The following CACNA1C variants were observed in gnomAD, a reference collection of about 807,000 sequenced individuals.
The protein encoded by CACNA1C is voltage-dependent L-type calcium channel subunit alpha-1C.
Under a neutral mutation model 229.0 loss-of-function variants are expected in CACNA1C, and 30 were observed. The observed-to-expected ratio is 0.13, with a 90% CI of 0.10 to 0.18. The LOEUF (loss-of-function observed/expected upper bound fraction) is 0.18. CACNA1C is among the 10% of genes least tolerant of loss of function. The pLI is 1.00. For missense variants in CACNA1C, 1,658 were observed against 2,845.0 expected (o/e 0.58, Z 9.49); for synonymous variants, 1,114 against 1,132.5 (o/e 0.98, Z 0.33).
At chr12:2,163,547 A>G (rs1307594192) in intron 3 of CACNA1C, among the ~76,000 whole-genome samples, 1 of 152,112 alleles carries the variant, frequency 6.6e-6, no homozygotes, top group Non-Finnish European at 1.5e-5. Context: ...TCCTGGGTAC[A>G]CTTTTCTGTT....
Position 2,287,532 on chromosome 12 carries a change from T to C in CACNA1C, c.478-161444T>C, listed in dbSNP as rs2092881875. ...TGGCTGATGAGAAGCTCCCTCCAAT[T>C]CTGTGATTCTGGGTAAAGCAGACCA... On this transcript the variant is annotated intron_variant, in intron 3 of 46. Transcript: ENST00000399655. This position sits in a 1 kb window ranked among gnomAD's most constrained non-coding sequence, Gnocchi z 4.6. 6.6e-6 allele frequency among the ~76,000 whole-genome samples: 1 copy of C among 152,166 alleles called. No individual in the cohort carries two copies. The highest frequency in any genetic ancestry group is 1.5e-5 in the Non-Finnish European group (1 of 68,022).
intron 1 of CACNA1C, among the ~76,000 whole-genome samples, chr12:1,980,233 GAATA>G (rs2035717302): frequency 1.3e-5 from 2 of 152,166 alleles, no homozygotes; most frequent in Non-Finnish European, 1.5e-5. Flanking sequence ...ATCGATAGGA[GAATA>G]AATAGACTGC....
In CACNA1C at chr12:2,576,000, C is replaced by G. The variant is rs755656340; in HGVS notation, c.1896-5590C>G. 2.0e-5 allele frequency among the ~76,000 whole-genome samples: 3 copies of G among 152,030 alleles called. No homozygotes were observed. The highest frequency in any genetic ancestry group is 6.6e-5 in the Admixed American group (1 of 15,266). ...AAATGGAGATAAAAGGATTTCTGAA[C>G]AGATGGTGGTAACTTAAATCAGGAG... On this transcript the variant is annotated intron_variant, in intron 13 of 46. Coordinates refer to ENST00000399655, the MANE Select transcript of CACNA1C (RefSeq NM_000719.7). The surrounding 1 kb of genome is among the most constrained non-coding windows in gnomAD (Gnocchi z 4.0).
At chr12:2,553,605 T>C (rs2042500922) in intron 10 of CACNA1C, among the ~76,000 whole-genome samples, 1 of 152,190 alleles carries the variant, frequency 6.6e-6, no homozygotes, top group African/African-American at 2.4e-5. Flanking sequence ...TTTGGCAGAC[T>C]CTGAAGCCTG....
chr12:2,554,983 G>A (rs1271419523), intron 10 of CACNA1C, among the ~76,000 whole-genome samples: 2 of 152,222 alleles, frequency 1.3e-5, no homozygotes, highest in African/African-American at 4.8e-5. Flanking sequence ...CCGGAGGATA[G>A]CAACAATAGC....
intron 5 of CACNA1C, among the ~76,000 whole-genome samples, chr12:2,480,097 T>A (rs2099668059): frequency 6.6e-6 from 1 of 152,212 alleles, no homozygotes; most frequent in Admixed American, 6.5e-5. Flanking sequence ...AAAGTAAAAG[T>A]GATATCTGCT....
intron 1 of CACNA1C, among the ~76,000 whole-genome samples, chr12:2,114,361 CAG>C (rs2082980438): frequency 6.6e-6 from 1 of 152,260 alleles, no homozygotes; most frequent in East Asian, 1.9e-4. Context: ...CAGAGACAGT[CAG>C]GGGGATGCAA....
intron 8 of CACNA1C, among the ~76,000 whole-genome samples, chr12:2,506,592 A>G (rs912451125): frequency 6.6e-6 from 1 of 152,212 alleles, no homozygotes; most frequent in East Asian, 1.9e-4. Flanking sequence ...TGTTATAACT[A>G]GAAGTATAGA....
chr12:2,494,329 C>T (rs554556006), intron 7 of CACNA1C, among the ~76,000 whole-genome samples: 1 of 152,310 alleles, frequency 6.6e-6, no homozygotes, highest in East Asian at 1.9e-4. Context: ...TGAGCTGTCT[C>T]GATTCTGGCA....
At chr12:2,494,179 C>A (rs1440179307) in intron 7 of CACNA1C, among the ~76,000 whole-genome samples, 2 of 152,180 alleles carry the variant, frequency 1.3e-5, no homozygotes, top group East Asian at 3.9e-4. Context: ...GAGAGCCACC[C>A]AATCAATAGC....
chr12:2,328,082 G>A (rs994097311), intron 3 of CACNA1C, among the ~76,000 whole-genome samples: 3 of 152,246 alleles, frequency 2.0e-5, no homozygotes, highest in African/African-American at 7.2e-5. Flanking sequence ...AGCCAAAAGA[G>A]TAGTTTCATT....
At chr12:2,360,172 C>CT (rs1189445399) in intron 3 of CACNA1C, among the ~76,000 whole-genome samples, 1 of 111,978 alleles carries the variant, frequency 8.9e-6, no homozygotes, top group Non-Finnish European at 1.8e-5. Context: ...CCCCACCCCC[C>CT]CACCCCACAC....
rs2090707089 is a variant in CACNA1C, at chr12:2,632,126, G to A, written c.3829-2171G>A. 6.6e-6 allele frequency among the ~76,000 whole-genome samples: 1 copy of A among 152,106 alleles called. No individual in the cohort carries two copies. The highest frequency in any genetic ancestry group is 2.4e-5 in the African/African-American group (1 of 41,418). On this transcript the variant is annotated intron_variant, in intron 29 of 46. Coordinates refer to ENST00000399655, the MANE Select transcript of CACNA1C (RefSeq NM_000719.7). This position sits in a 1 kb window ranked among gnomAD's most constrained non-coding sequence, Gnocchi z 4.1. ...CACCTCCTGGAAGCCCAGAGGGCAG[G>A]CAAATACTGGTCCCACTGAAAAAAT...
At chr12:2,159,697 C>G (rs573217548) in intron 3 of CACNA1C, among the ~76,000 whole-genome samples, 1 of 151,444 alleles carries the variant, frequency 6.6e-6, no homozygotes, top group African/African-American at 2.4e-5. Context: ...CTTCACCTCC[C>G]GGGTTCAAGC....
chr12:2,031,338 A>T (rs1398543942), intron 1 of CACNA1C, among the ~76,000 whole-genome samples: 2 of 151,736 alleles, frequency 1.3e-5, no homozygotes. Flanking sequence ...TCTTCTCCAA[A>T]CCCTCTGGTG....
chr12:2,372,912 C>T (rs1264348217), intron 3 of CACNA1C, among the ~76,000 whole-genome samples: 4 of 152,212 alleles, frequency 2.6e-5, no homozygotes, highest in African/African-American at 7.2e-5. Flanking sequence ...CAGATGGATG[C>T]GGGGGCAGCC....
At position 2,347,779 on chromosome 12, in the gene CACNA1C, C is replaced by G. The variant is rs73605784; in HGVS notation, c.478-101197C>G. On this transcript the variant is annotated intron_variant, in intron 3 of 46. Transcript: ENST00000399655. ...GCCTGAGCTTGGACACTAAACCAGA[C>G]CTGCCCAGTGATGTCCCTGGCCAGC... 5.7e-3 allele frequency among the ~76,000 whole-genome samples: 864 copies of G among 152,356 alleles called. 6 individuals are homozygous for G. Among genetic ancestry groups the G allele is most frequent in the African/African-American group, 0.02 (817 of 41,586 alleles).
At position 2,356,861 on chromosome 12, in the gene CACNA1C, G is replaced by T. The variant is rs187327225; in HGVS notation, c.478-92115G>T. ...CCATTCCACAGATGAGGCCGCTGGG[G>T]CACAGAGAGATTGTGTTGCTTGCCC... On this transcript the variant is annotated intron_variant, in intron 3 of 46. Transcript: ENST00000399655. Among the ~76,000 whole-genome samples the T allele has an allele frequency of 2.6e-5, 4 of 152,314 alleles. No homozygotes were observed. In the East Asian group the frequency reaches 7.7e-4, roughly 29 times the overall value.
intron 29 of CACNA1C, chr12:2,612,265 G>A: frequency 2.2e-6 from 1 of 459,120 alleles, no homozygotes. Context: ...TCCTCGCTGA[G>A]CTGAACCTCT....
Sources: gnomAD v4.1 joint callset for allele counts (sites outside exome capture counted in the v4.1 genomes callset) on GRCh38, gnomAD v4.1.1 for gene constraint, Gnocchi (gnomAD v3.1) non-coding constraint, MANE v1.5 for transcripts, NCBI Gene and HGNC (gene_info 2026-07-23, HGNC 2026-07-21) for gene names.